The following NIM1K variants were observed in gnomAD, a reference collection of about 807,000 sequenced individuals.
NIM1K encodes the protein NIM1 serine/threonine protein kinase.
In NIM1K, 35 loss-of-function variants were observed where a neutral mutation model predicts 37.1. That is an observed-to-expected ratio of 0.94 (90% CI 0.72 to 1.25). The LOEUF is 1.25. NIM1K is among the 50% of genes most tolerant of loss of function. NIM1K has a pLI of 0.00. For missense variants in NIM1K, 564 were observed against 548.0 expected (o/e 1.03, Z -0.29); for synonymous variants, 234 against 206.6 (o/e 1.13, Z -1.14).
At chr5:43,275,958 T>C (rs1753333190) in intron 2 of NIM1K, among the ~76,000 whole-genome samples, 1 of 149,158 alleles carries the variant, frequency 6.7e-6, no homozygotes, top group African/African-American at 2.5e-5. Context: ...TGGAGAGCAG[T>C]GGTGCGATCT....
chr5:43,246,399 C>T (rs1752779666), intron 2 of NIM1K, among the ~76,000 whole-genome samples: 1 of 152,150 alleles, frequency 6.6e-6, no homozygotes, highest in Non-Finnish European at 1.5e-5. Context: ...AGAATCTGTC[C>T]TCTCCGGTGA....
intron 3 of NIM1K, among the ~76,000 whole-genome samples, chr5:43,278,911 T>A (rs1753395356): frequency 6.6e-6 from 1 of 152,184 alleles, no homozygotes; most frequent in Non-Finnish European, 1.5e-5. Context: ...TTTAAGTGGC[T>A]TTGGGCTGTG....
At chr5:43,250,028 A>G (rs1030901026) in intron 2 of NIM1K, among the ~76,000 whole-genome samples, 9 of 151,234 alleles carry the variant, frequency 6.0e-5, no homozygotes, top group African/African-American at 2.2e-4. Context: ...AATTTTTTGT[A>G]TTTTTAGTAG....
chr5:43,208,057 A>AC (rs1370871021), intron 1 of NIM1K, among the ~76,000 whole-genome samples: 3 of 151,220 alleles, frequency 2.0e-5, no homozygotes, highest in South Asian at 4.2e-4. Context: ...GAATGCACTG[A>AC]CCCCCCCTGG....
intron 1 of NIM1K, chr5:43,232,851 G>T: frequency 9.5e-7 from 1 of 1,048,622 alleles, no homozygotes; most frequent in Non-Finnish European, 1.5e-6. Context: ...CAATGGTGTA[G>T]TGCCTTCAGG....
At chr5:43,273,393 C>T (rs1240138231) in intron 2 of NIM1K, among the ~76,000 whole-genome samples, 9 of 151,842 alleles carry the variant, frequency 5.9e-5, no homozygotes, top group African/African-American at 1.9e-4. Context: ...ATAGTAGAGA[C>T]GGGGTTTCAC....
Position 43,253,212 on chromosome 5 carries a change from ATGTGTGTGTGTG to A in NIM1K, c.292+7177_292+7188del, listed in dbSNP as rs10603525. 2.5e-3 allele frequency among the ~76,000 whole-genome samples: 334 copies of A among 131,718 alleles called. 1 individual carries two copies. Among genetic ancestry groups the A allele is most frequent in the Admixed American group, 3.1e-3 (37 of 12,002 alleles). The allele number at this position is 131,718 out of a possible 152,430, so 86.4% of individuals were successfully genotyped here. A position where few individuals can be genotyped will look rare whatever the true frequency, so the allele number is the denominator to read the frequency against. ...TATAATATAATATATAATATAATAT[ATGTGTGTGTGTG>A]TGTGTGTGTGTGTGTGTGTGTGTGT... is the stretch of plus-strand genomic sequence containing the variant. On this transcript the variant is annotated intron_variant, in intron 2 of 3. Transcript: ENST00000326035.
intron 2 of NIM1K, among the ~76,000 whole-genome samples, chr5:43,269,308 C>CAA (rs1359809549): frequency 0.12 from 6,429 of 55,478 alleles, 1,238 homozygotes; most frequent in African/African-American, 0.17. Context: ...GACTTCATCT[C>CAA]AAAAAAAAAA....
chr5:43,229,951 T>C (rs2112241421), intron 1 of NIM1K, among the ~76,000 whole-genome samples: 1 of 152,260 alleles, frequency 6.6e-6, no homozygotes, highest in South Asian at 2.1e-4. Context: ...CCTCTTTTTT[T>C]TTTTCTTTAA....
In NIM1K at chr5:43,232,588, A is replaced by G. The variant is rs868785886; in HGVS notation, c.-694-12494A>G. 8.4e-5 allele frequency: 132 copies of G among 1,571,180 alleles called. No homozygotes were observed. The Middle Eastern group carries it at 1.3e-3, about 15-fold the overall frequency. ...CATGAAGACACAATCAGAGTGCTCC[A>G]GGGTGGTGTGGGAGGTGAGGATGGA... is the stretch of plus-strand genomic sequence containing the variant. On this transcript the variant is annotated intron_variant, in intron 1 of 3. Transcript: ENST00000326035.
At chr5:43,199,281 A>AATAT (rs70994604) in intron 1 of NIM1K, among the ~76,000 whole-genome samples, 3 of 145,482 alleles carry the variant, frequency 2.1e-5, no homozygotes, top group African/African-American at 5.0e-5. Flanking sequence ...TCTCTACTAA[A>AATAT]ATATATATAT....
intron 2 of NIM1K, among the ~76,000 whole-genome samples, chr5:43,265,770 G>C (rs1424412775): frequency 6.6e-6 from 1 of 152,122 alleles, no homozygotes; most frequent in African/African-American, 2.4e-5. Context: ...TCTACCTTTG[G>C]TCTTTGATGA....
chr5:43,232,944 A>C (rs1707375809), intron 1 of NIM1K: 3 of 1,135,760 alleles, frequency 2.6e-6, no homozygotes, highest in Admixed American at 3.4e-5. Context: ...TGCAAACTTC[A>C]TCATCAATTA....
At chr5:43,273,291 C>A (rs948062903) in intron 2 of NIM1K, among the ~76,000 whole-genome samples, 1 of 151,842 alleles carries the variant, frequency 6.6e-6, no homozygotes, top group African/African-American at 2.4e-5. Flanking sequence ...GCAACCTCTG[C>A]CCCCTGGGTT....
intron 1 of NIM1K, among the ~76,000 whole-genome samples, chr5:43,241,135 T>A (rs1427182358): frequency 1.3e-5 from 2 of 148,994 alleles, no homozygotes; most frequent in Non-Finnish European, 3.0e-5. Context: ...ACTATCAAAA[T>A]TTTTTTTTTG....
chr5:43,240,619 C>T (rs868473652), intron 1 of NIM1K, among the ~76,000 whole-genome samples: 2 of 150,804 alleles, frequency 1.3e-5, no homozygotes, highest in East Asian at 1.9e-4. Context: ...TCTTGGCTCA[C>T]GGCAACCTCC....
intron 1 of NIM1K, among the ~76,000 whole-genome samples, chr5:43,229,558 CAG>C (rs917085843): frequency 7.2e-5 from 11 of 151,852 alleles, no homozygotes. Flanking sequence ...GTAGACAAGA[CAG>C]ATAAAATCTG....
At chr5:43,227,342 G>C (rs1233580152) in intron 1 of NIM1K, among the ~76,000 whole-genome samples, 2 of 152,126 alleles carry the variant, frequency 1.3e-5, no homozygotes, top group Non-Finnish European at 2.9e-5. Flanking sequence ...CCTGGAGACA[G>C]AGCGAGACTC....
rs139389401 is a variant in NIM1K at position 43,236,504 on chromosome 5, T to G, written c.-694-8578T>G. Among the ~76,000 whole-genome samples the G allele has an allele frequency of 3.8e-3, 574 of 152,314 alleles. 1 individual carries two copies. Among genetic ancestry groups the G allele is most frequent in the Middle Eastern group, 0.034 (10 of 294 alleles). On this transcript the variant is annotated intron_variant, in intron 1 of 3. Transcript: ENST00000326035. ...TTGACAGAGTTTACCAAAAAATTCT[T>G]AATTGCCAGTTTCTTTTCAAGAATT...
Sources: allele counts gnomAD v4.1 joint callset (sites outside exome capture counted in the v4.1 genomes callset), GRCh38; gene constraint gnomAD v4.1.1; transcripts MANE v1.5; gene names NCBI Gene and HGNC (gene_info 2026-07-23, HGNC 2026-07-21).